GLRA3: variants seen among roughly 807,000 people sequenced by gnomAD.
GLRA3 encodes the protein glycine receptor subunit alpha-3.
A neutral mutation model predicts 60.4 loss-of-function variants in GLRA3; 44 were observed. The ratio of observed to expected loss-of-function variants is 0.73; its 90% CI spans 0.57 to 0.94. The LOEUF (loss-of-function observed/expected upper bound fraction) is 0.94, where lower values mean the gene tolerates loss of function less well. Ranked by LOEUF, GLRA3 falls within the 40% of genes least tolerant of loss-of-function variation. The pLI, the probability that GLRA3 is intolerant of heterozygous loss-of-function variation, is 0.00. For synonymous variants in GLRA3, 223 were observed against 192.9 expected (o/e 1.16, Z -1.29); for missense variants, 508 against 564.6 (o/e 0.90, Z 1.02).
intron 3 of GLRA3, among the ~76,000 whole-genome samples, chr4:174,745,705 C>A (rs1398115352): frequency 6.6e-6 from 1 of 151,210 alleles, no homozygotes; most frequent in African/African-American, 2.4e-5. Flanking sequence ...AGATAAGCTG[C>A]AGAATGGGAG....
In GLRA3 at chr4:174,798,315, G is replaced by GA. The variant is rs909258118; in HGVS notation, c.72-9373dup. 2.4e-4 allele frequency among the ~76,000 whole-genome samples: 37 copies of GA among 151,922 alleles called. No individual in the cohort carries two copies. In the East Asian group the frequency reaches 3.5e-3, roughly 14 times the overall value. The stretch of plus-strand genomic sequence containing the variant: ...GTCCTGTAGAGTTATGGGCCCTTGT[G>GA]AAAAAAAATTTAGTATTTGGGCTTT... On this transcript the variant is annotated intron_variant, in intron 1 of 9. Transcript: ENST00000274093.
chr4:174,777,863 C>G (rs1346993480), intron 2 of GLRA3, among the ~76,000 whole-genome samples: 1 of 152,082 alleles, frequency 6.6e-6, no homozygotes, highest in African/African-American at 2.4e-5. Flanking sequence ...CTCTTTAAAA[C>G]AAGTCTATTA....
At chr4:174,774,575 C>T (rs1323521599) in intron 2 of GLRA3, among the ~76,000 whole-genome samples, 3 of 152,058 alleles carry the variant, frequency 2.0e-5, no homozygotes, top group African/African-American at 7.2e-5. Context: ...AATGCACTAC[C>T]TAATTTGAAT....
At position 174,643,579 on chromosome 4, in the gene GLRA3, TC is replaced by T. The variant is rs1732692674; in HGVS notation, c.*206del. ...CACCTGGAATTAATATGAAATAGAA[TC>T]CCCTAATAAATATTTTATATTCATT... On this transcript the variant is annotated 3_prime_UTR_variant, in exon 10 of 10. Coordinates refer to ENST00000274093, the MANE Select transcript of GLRA3 (RefSeq NM_006529.4). 8.1e-6 allele frequency: 10 copies of T among 1,240,890 alleles called. No individual in the cohort carries two copies. Among genetic ancestry groups the T allele is most frequent in the Admixed American group, 3.7e-5 (1 of 26,722 alleles). The allele number at this position is 1,240,890 out of a possible 1,614,324, so 76.9% of individuals were successfully genotyped here.
chr4:174,712,995 A>T (rs4305498), intron 5 of GLRA3, among the ~76,000 whole-genome samples: 125,846 of 146,988 alleles, frequency 0.86, 52,456 homozygotes, highest in Middle Eastern at 0.89. Flanking sequence ...ATTACATGTG[A>T]GTGTGTGTAT....
intron 7 of GLRA3, among the ~76,000 whole-genome samples, chr4:174,673,037 C>T (rs768931585): frequency 1.3e-4 from 20 of 152,028 alleles, no homozygotes; most frequent in Admixed American, 1.2e-3. Context: ...TTGTGTACTT[C>T]TGCAGATGAT....
intron 2 of GLRA3, among the ~76,000 whole-genome samples, chr4:174,777,784 G>C (rs1738662068): frequency 6.6e-6 from 1 of 152,040 alleles, no homozygotes; most frequent in Non-Finnish European, 1.5e-5. Flanking sequence ...GCCAATAACA[G>C]GGTACACTGT....
chr4:174,669,274 G>A (rs912215838), intron 7 of GLRA3, among the ~76,000 whole-genome samples: 1 of 151,936 alleles, frequency 6.6e-6, no homozygotes, highest in African/African-American at 2.4e-5. Flanking sequence ...CAGCGAGCAA[G>A]GAATCTGGAC....
intron 2 of GLRA3, among the ~76,000 whole-genome samples, chr4:174,786,930 T>C (rs1739150041): frequency 6.6e-6 from 1 of 152,160 alleles, no homozygotes; most frequent in Non-Finnish European, 1.5e-5. Flanking sequence ...TAATCACCTC[T>C]GAACTGGCTT....
intron 7 of GLRA3, among the ~76,000 whole-genome samples, chr4:174,659,698 T>C (rs1733362239): frequency 1.3e-5 from 2 of 152,258 alleles, no homozygotes; most frequent in East Asian, 1.9e-4. Context: ...GAGGTCAGGC[T>C]CAGTGGCTCA....
intron 2 of GLRA3, among the ~76,000 whole-genome samples, chr4:174,776,525 G>C (rs930458063): frequency 3.9e-5 from 6 of 151,966 alleles, no homozygotes; most frequent in Non-Finnish European, 7.4e-5. Context: ...TGCAATAAAA[G>C]ACGCATTAAA....
Position 174,728,663 on chromosome 4 carries a change from C to T in GLRA3, c.303G>A (p.Trp101Ter). The change falls in exon 4 of 10, where the codon TGG becomes TGA. Residue 101 changes from tryptophan to a stop codon, truncating the protein, a stop_gained. Coordinates refer to ENST00000274093, the MANE Select transcript of GLRA3 (RefSeq NM_006529.4). LOFTEE classifies it high-confidence loss of function. ...CACTGTACGCGAGGCGGGGATCATTCCATTTCTGACGAAGAAAGATATTCA... is the reference window on the plus strand; with the variant it reads ...CACTGTACGCGAGGCGGGGATCATTTCATTTCTGACGAAGAAAGATATTCA... ...YRVNIFLRQK[W>*]NDPRLAYSEY... The T allele has an allele frequency of 1.2e-6, 2 of 1,606,732 alleles. No individual in the cohort carries two copies. Among genetic ancestry groups the T allele is most frequent in the Non-Finnish European group, 1.7e-6 (2 of 1,173,986 alleles).
intron 4 of GLRA3, among the ~76,000 whole-genome samples, chr4:174,720,045 TC>T: frequency 6.6e-6 from 1 of 152,342 alleles, no homozygotes; most frequent in East Asian, 1.9e-4. Context: ...TATATCATGA[TC>T]TTTGTCAAGT....
At chr4:174,743,824 T>C (rs1737121355) in intron 3 of GLRA3, among the ~76,000 whole-genome samples, 1 of 152,172 alleles carries the variant, frequency 6.6e-6, no homozygotes, top group Admixed American at 6.5e-5. Context: ...ATACAATAGG[T>C]GTTCAAATTG....
intron 5 of GLRA3, among the ~76,000 whole-genome samples, chr4:174,687,767 G>A (rs549982835): frequency 2.0e-5 from 3 of 152,266 alleles, no homozygotes; most frequent in Admixed American, 6.5e-5. Context: ...TGATATGTAC[G>A]ATGAAGTGTG....
intron 1 of GLRA3, among the ~76,000 whole-genome samples, chr4:174,823,494 C>T (rs1740832116): frequency 2.0e-5 from 3 of 151,948 alleles, no homozygotes; most frequent in Admixed American, 2.0e-4. Flanking sequence ...CACTGCACTC[C>T]AGCCTGGGCA....
intron 7 of GLRA3, among the ~76,000 whole-genome samples, chr4:174,661,929 A>G (rs1733463480): frequency 6.6e-6 from 1 of 152,238 alleles, no homozygotes; most frequent in South Asian, 2.1e-4. Context: ...CTAGAAATAG[A>G]CTTATACAGA....
intron 5 of GLRA3, among the ~76,000 whole-genome samples, chr4:174,696,329 T>C (rs542732194): frequency 1.7e-4 from 26 of 151,694 alleles, no homozygotes; most frequent in African/African-American, 6.0e-4. Context: ...TTTTGTAATA[T>C]TGGCATGTAT....
chr4:174,801,296 C>A (rs963583560), intron 1 of GLRA3, among the ~76,000 whole-genome samples: 17 of 152,022 alleles, frequency 1.1e-4, no homozygotes, highest in Non-Finnish European at 7.4e-5. Context: ...TCTCTAATGA[C>A]ACGTCCCTTG....
Sources: allele counts gnomAD v4.1 joint callset (sites outside exome capture counted in the v4.1 genomes callset), GRCh38; gene constraint gnomAD v4.1.1; transcripts MANE v1.5; gene names NCBI Gene and HGNC (gene_info 2026-07-23, HGNC 2026-07-21).